The following IPO11 variants were observed in gnomAD, a reference collection of about 807,000 sequenced individuals.
IPO11 encodes the protein importin-11.
A neutral mutation model predicts 143.2 loss-of-function variants in IPO11; 66 were observed. The observed-to-expected ratio is 0.46, with a 90% CI of 0.38 to 0.57. IPO11 has a LOEUF of 0.57. IPO11 is among the 20% of genes least tolerant of loss of function. IPO11 has a pLI of 0.00. For missense variants in IPO11, 1,026 were observed against 1,141.0 expected, an observed-to-expected ratio of 0.90 and a Z score of 1.45; for synonymous variants, 385 against 377.8, an observed-to-expected ratio of 1.02 and a Z score of -0.22.
intron 28 of IPO11, among the ~76,000 whole-genome samples, chr5:62,598,266 A>G (rs1379252899): frequency 6.6e-6 from 1 of 152,038 alleles, no homozygotes; most frequent in Non-Finnish European, 1.5e-5. Context: ...AAAAGAGGAT[A>G]ACTGTACAGA....
intron 20 of IPO11, among the ~76,000 whole-genome samples, chr5:62,524,251 G>A (rs988568689): frequency 3.7e-4 from 57 of 152,004 alleles, no homozygotes; most frequent in Non-Finnish European, 4.4e-4. Context: ...TTAAGACAGT[G>A]TGTTATATAG....
chr5:62,480,919 TTTTTTTTTTTTTTG>T (rs1181826602), intron 9 of IPO11, among the ~76,000 whole-genome samples: 2 of 100,738 alleles, frequency 2.0e-5, no homozygotes, highest in African/African-American at 4.2e-5. Flanking sequence ...TTTTTTTTTT[TTTTTTTTTTTTTTG>T]GAGACAGAGT....
intron 24 of IPO11, among the ~76,000 whole-genome samples, chr5:62,549,948 A>G (rs1425722024): frequency 6.6e-6 from 1 of 152,230 alleles, no homozygotes; most frequent in African/African-American, 2.4e-5. Flanking sequence ...ATTTATTTCT[A>G]GGCAGTGAGT....
At chr5:62,438,021 A>G (rs984173277) in intron 2 of IPO11, among the ~76,000 whole-genome samples, 1 of 152,184 alleles carries the variant, frequency 6.6e-6, no homozygotes, top group African/African-American at 2.4e-5. Flanking sequence ...CACTTTCCTT[A>G]TACTTTTCTT....
intron 27 of IPO11, among the ~76,000 whole-genome samples, chr5:62,578,307 T>C (rs1373657219): frequency 6.6e-6 from 1 of 152,084 alleles, no homozygotes; most frequent in Non-Finnish European, 1.5e-5. Context: ...GAGGATAATA[T>C]AACAACATTT....
intron 20 of IPO11, among the ~76,000 whole-genome samples, chr5:62,525,620 G>A (rs1002644166): frequency 6.6e-6 from 1 of 152,208 alleles, no homozygotes; most frequent in Non-Finnish European, 1.5e-5. Flanking sequence ...CTGGCCCCAA[G>A]CAGTCCTCCC....
intron 27 of IPO11, among the ~76,000 whole-genome samples, chr5:62,585,416 T>C (rs1409303387): frequency 6.6e-6 from 1 of 152,154 alleles, no homozygotes; most frequent in Non-Finnish European, 1.5e-5. Context: ...ATCCAGGCCA[T>C]ACAATTCCTA....
At chr5:62,517,031 T>C (rs1370901969) in intron 20 of IPO11, among the ~76,000 whole-genome samples, 1 of 151,920 alleles carries the variant, frequency 6.6e-6, no homozygotes. Context: ...ACCCTGTCTC[T>C]ACTAAAAATA....
intron 19 of IPO11, among the ~76,000 whole-genome samples, chr5:62,514,397 C>T (rs1282755584): frequency 6.6e-6 from 1 of 152,006 alleles, no homozygotes; most frequent in Non-Finnish European, 1.5e-5. Context: ...GGAGACCAGT[C>T]TGGCCAACAC....
At position 62,601,809 on chromosome 5, in the gene IPO11, T is replaced by C; in HGVS notation, c.2724T>C (p.Asp908=). The C allele has an allele frequency of 6.3e-7, 1 of 1,597,768 alleles. No individual in the cohort carries two copies. Among genetic ancestry groups the C allele is most frequent in the Non-Finnish European group, 8.5e-7 (1 of 1,171,786 alleles). Residue 908 remains aspartate (D), a synonymous_variant, in exon 29 of 30, where the codon GAT becomes GAC. Transcript: ENST00000325324. ...TTGAGGAACCAAAAGTAACAGAAGATGAAGAACCACCCACAGAACAAGATA... is the reference window on the plus strand; with the variant it reads ...TTGAGGAACCAAAAGTAACAGAAGACGAAGAACCACCCACAGAACAAGATA... ...SHLEEPKVTE[D]EEPPTEQDKR... is the part of the protein sequence containing the mutation.
intron 27 of IPO11, among the ~76,000 whole-genome samples, chr5:62,572,396 T>C (rs1484550796): frequency 2.0e-5 from 3 of 152,172 alleles, no homozygotes; most frequent in Non-Finnish European, 4.4e-5. Flanking sequence ...TAGATACTTA[T>C]CCGGAAGAGA....
At chr5:62,455,785 T>C (rs1014472754) in intron 5 of IPO11, among the ~76,000 whole-genome samples, 3 of 150,268 alleles carry the variant, frequency 2.0e-5, no homozygotes, top group Non-Finnish European at 4.4e-5. Flanking sequence ...GAGAGAGAGG[T>C]GCTGTCTTGG....
intron 26 of IPO11, among the ~76,000 whole-genome samples, chr5:62,557,734 C>T (rs1202431908): frequency 6.6e-6 from 1 of 152,140 alleles, no homozygotes; most frequent in East Asian, 1.9e-4. Flanking sequence ...TTCCAGAATG[C>T]TGTGTTCTTA....
chr5:62,604,945 G>C (rs921530839), intron 29 of IPO11, among the ~76,000 whole-genome samples: 1 of 152,124 alleles, frequency 6.6e-6, no homozygotes, highest in East Asian at 1.9e-4. Context: ...TATTTTTTCA[G>C]TAATTACGTC....
At chr5:62,624,314 A>G (rs1580403662) in intron 29 of IPO11, among the ~76,000 whole-genome samples, 1 of 152,116 alleles carries the variant, frequency 6.6e-6, no homozygotes, top group Non-Finnish European at 1.5e-5. Context: ...GATTACAGGC[A>G]TGAGCCATGG....
intron 16 of IPO11, among the ~76,000 whole-genome samples, chr5:62,502,467 G>C (rs1188531240): frequency 2.0e-5 from 3 of 152,016 alleles, no homozygotes; most frequent in African/African-American, 7.3e-5. Flanking sequence ...ATGTTTATTT[G>C]TCATCATTTA....
intron 27 of IPO11, among the ~76,000 whole-genome samples, chr5:62,567,264 A>G (rs1429576273): frequency 6.6e-6 from 1 of 152,112 alleles, no homozygotes; most frequent in African/African-American, 2.4e-5. Context: ...GAAGATTTTC[A>G]CTGAAAAGTC....
chr5:62,568,160 T>C (rs1744019410), intron 27 of IPO11, among the ~76,000 whole-genome samples: 1 of 149,610 alleles, frequency 6.7e-6, no homozygotes, highest in Non-Finnish European at 1.5e-5. Flanking sequence ...GAGATGGGGT[T>C]TTGCCATGTT....
intron 24 of IPO11, among the ~76,000 whole-genome samples, chr5:62,544,203 A>C (rs561461956): frequency 1.3e-5 from 2 of 152,348 alleles, no homozygotes; most frequent in Admixed American, 1.3e-4. Flanking sequence ...AAAAATCCTC[A>C]ATAAAATACC....
Sources: allele counts gnomAD v4.1 joint callset (sites outside exome capture counted in the v4.1 genomes callset), GRCh38; gene constraint gnomAD v4.1.1; transcripts MANE v1.5; gene names NCBI Gene and HGNC (gene_info 2026-07-23, HGNC 2026-07-21).